Variants in EPB41L3 observed in about 807,000 individuals in gnomAD.
The protein encoded by EPB41L3 is band 4.1-like protein 3.
A neutral mutation model predicts 127.1 loss-of-function variants in EPB41L3; 57 were observed. The ratio of observed to expected loss-of-function variants is 0.45; its 90% CI spans 0.36 to 0.56. The LOEUF is 0.56. Among genes scored for constraint, EPB41L3 ranks in the 20% least tolerant of loss-of-function variants. EPB41L3 has a pLI of 0.00. For synonymous variants in EPB41L3, 572 were observed against 549.5 expected, an observed-to-expected ratio of 1.04 and a Z score of -0.57; for missense variants, 1,273 against 1,372.2, an observed-to-expected ratio of 0.93 and a Z score of 1.14.
At chr18:5,490,948 AC>A (rs1005055482) in intron 1 of EPB41L3, among the ~76,000 whole-genome samples, 23 of 152,164 alleles carry the variant, frequency 1.5e-4, no homozygotes, top group African/African-American at 5.3e-4. Flanking sequence ...TGTAACCACT[AC>A]CCCCCATCTC....
intron 3 of EPB41L3, among the ~76,000 whole-genome samples, chr18:5,475,035 C>G (rs537565565): frequency 6.6e-5 from 10 of 152,308 alleles, no homozygotes; most frequent in Middle Eastern, 3.4e-3. Context: ...ACCCTTCAGT[C>G]TCCACCTTTC....
chr18:5,583,648 C>T (rs1245667338), intron 3 of EPB41L3, among the ~76,000 whole-genome samples: 1 of 152,116 alleles, frequency 6.6e-6, no homozygotes, highest in African/African-American at 2.4e-5. Context: ...GAAAATGATT[C>T]ATATATTTAA....
intron 3 of EPB41L3, among the ~76,000 whole-genome samples, chr18:5,554,170 C>T (rs929545338): frequency 6.6e-6 from 1 of 152,210 alleles, no homozygotes; most frequent in African/African-American, 2.4e-5. Context: ...ATCCCACTCT[C>T]CTTTTTTCCC....
chr18:5,516,703 T>G (rs2092765390), intron 1 of EPB41L3, among the ~76,000 whole-genome samples: 1 of 152,244 alleles, frequency 6.6e-6, no homozygotes, highest in African/African-American at 2.4e-5. Flanking sequence ...GACTTGGTTT[T>G]TTTAACCCAG....
chr18:5,630,276 C>G, upstream of EPB41L3: 2 of 477,342 alleles, frequency 4.2e-6, no homozygotes, highest in Non-Finnish European at 8.3e-6. Context: ...CCCCCATCGA[C>G]CTCGAGCCAA....
intron 13 of EPB41L3, among the ~76,000 whole-genome samples, chr18:5,413,899 C>T (rs1005895821): frequency 1.3e-5 from 2 of 152,220 alleles, no homozygotes; most frequent in Admixed American, 1.3e-4. Flanking sequence ...CAATTAACTG[C>T]TGTGATTTGT....
intron 3 of EPB41L3, among the ~76,000 whole-genome samples, chr18:5,568,689 C>T (rs191334933): frequency 6.6e-6 from 1 of 152,278 alleles, no homozygotes; most frequent in East Asian, 1.9e-4. Flanking sequence ...AATAGATATT[C>T]AAAACATTCA....
chr18:5,573,564 G>A lies in EPB41L3; in HGVS notation c.-306+38776C>T, dbSNP rs548706596. 5.3e-5 allele frequency among the ~76,000 whole-genome samples: 8 copies of A among 152,264 alleles called. No individual in the cohort carries two copies. In the South Asian group the frequency reaches 1.2e-3, roughly 24 times the overall value. ...CTCATATATGTAGATCATCAGTGGG[G>A]AAGAGGTTTTATGTTAGAATGTTTA... On this transcript the variant is annotated intron_variant, in intron 3 of 21. Transcript: ENST00000545076.
chr18:5,466,658 C>T (rs1257443669), intron 3 of EPB41L3, among the ~76,000 whole-genome samples: 2 of 152,174 alleles, frequency 1.3e-5, no homozygotes, highest in Non-Finnish European at 2.9e-5. Context: ...TCAAAAAGTG[C>T]TCATAGATGC....
chr18:5,571,472 A>C (rs1395264291), intron 3 of EPB41L3, among the ~76,000 whole-genome samples: 1 of 152,212 alleles, frequency 6.6e-6, no homozygotes, highest in Non-Finnish European at 1.5e-5. Context: ...AGCGTGACAC[A>C]GTTTAAGACT....
chr18:5,575,556 G>T (rs554469204), intron 3 of EPB41L3, among the ~76,000 whole-genome samples: 1 of 152,094 alleles, frequency 6.6e-6, no homozygotes, highest in Non-Finnish European at 1.5e-5. Flanking sequence ...CATCTAGTTG[G>T]CCCGGTGCTG....
At chr18:5,517,282 C>T (rs1314725620) in intron 1 of EPB41L3, among the ~76,000 whole-genome samples, 1 of 152,048 alleles carries the variant, frequency 6.6e-6, no homozygotes, top group African/African-American at 2.4e-5. Context: ...CTGAAAAGGT[C>T]TCCCGCTTAC....
intron 3 of EPB41L3, among the ~76,000 whole-genome samples, chr18:5,585,093 A>G (rs989622001): frequency 2.6e-5 from 4 of 152,324 alleles, no homozygotes; most frequent in Admixed American, 6.5e-5. Flanking sequence ...TTAAAAGAAA[A>G]AGGAAAATAA....
At chr18:5,529,676 C>T (rs1539809) in intron 1 of EPB41L3, among the ~76,000 whole-genome samples, 16,830 of 152,150 alleles carry the variant, frequency 0.11, 1,848 homozygotes, top group African/African-American at 0.29. Flanking sequence ...TGCCCCAGCT[C>T]CATAGACCTT....
intron 3 of EPB41L3, among the ~76,000 whole-genome samples, chr18:5,447,472 T>TTTA (rs398031893): frequency 1.4e-5 from 2 of 147,804 alleles, no homozygotes; most frequent in Non-Finnish European, 3.0e-5. Context: ...TTTTTTTTTT[T>TTTA]ACCTACATAC....
chr18:5,578,316 A>T (rs1230100538), intron 3 of EPB41L3, among the ~76,000 whole-genome samples: 1 of 152,252 alleles, frequency 6.6e-6, no homozygotes. Flanking sequence ...GTTAGTGATT[A>T]TAACTCTGCA....
At chr18:5,451,907 C>T (rs1311742209) in intron 3 of EPB41L3, among the ~76,000 whole-genome samples, 1 of 152,116 alleles carries the variant, frequency 6.6e-6, no homozygotes, top group Non-Finnish European at 1.5e-5. Context: ...GGCGTGATCT[C>T]GGCTCACTGC....
chr18:5,604,839 G>T (rs1296420091), intron 3 of EPB41L3, among the ~76,000 whole-genome samples: 2 of 152,048 alleles, frequency 1.3e-5, no homozygotes, highest in Admixed American at 1.3e-4. Context: ...CAAAGCCACA[G>T]GCATTTTGCT....
intron 13 of EPB41L3, among the ~76,000 whole-genome samples, chr18:5,414,562 C>A (rs2076566895): frequency 6.6e-6 from 1 of 152,054 alleles, no homozygotes; most frequent in African/African-American, 2.4e-5. Context: ...ACTTTCTTTC[C>A]TTTTTTAGCA....
Sources: gnomAD v4.1 joint callset for allele counts (sites outside exome capture counted in the v4.1 genomes callset) on GRCh38, gnomAD v4.1.1 for gene constraint, MANE v1.5 for transcripts, NCBI Gene and HGNC (gene_info 2026-07-23, HGNC 2026-07-21) for gene names.